Variants in PARD3B observed in about 807,000 individuals in gnomAD.
The protein encoded by PARD3B is partitioning defective 3 homolog B.
PARD3B carries 103 observed loss-of-function variants against 130.2 expected under a neutral mutation model. The ratio of observed to expected loss-of-function variants is 0.79; its 90% CI spans 0.67 to 0.93. The LOEUF (loss-of-function observed/expected upper bound fraction) is 0.93. Ranked by LOEUF, PARD3B falls within the 40% of genes least tolerant of loss-of-function variation. The pLI, the probability that PARD3B is intolerant of heterozygous loss-of-function variation, is 0.00. For synonymous variants in PARD3B, 583 were observed against 553.2 expected (o/e 1.05, Z -0.76); for missense variants, 1,609 against 1,499.2 (o/e 1.07, Z -1.21).
At chr2:205,219,568 T>G (rs917997668) in intron 15 of PARD3B, among the ~76,000 whole-genome samples, 2 of 147,464 alleles carry the variant, frequency 1.4e-5, no homozygotes, top group Non-Finnish European at 3.0e-5. Context: ...AGAAGAGAAA[T>G]TTTTTGATAG....
In PARD3B at chr2:204,832,204, C is replaced by T. The variant is rs139281909; in HGVS notation, c.223-132948C>T. On this transcript the variant is annotated intron_variant, in intron 2 of 22. Coordinates refer to ENST00000406610, the MANE Select transcript of PARD3B (RefSeq NM_001302769.2). The stretch of plus-strand genomic sequence containing the variant: ...TCACGCCACTGCACTCCAGTCTGGG[C>T]GACTGAGCGAGACTCTGTCTCAAAA... 7.0e-3 allele frequency among the ~76,000 whole-genome samples: 1,061 copies of T among 151,714 alleles called. 11 individuals are homozygous for T. Among genetic ancestry groups the T allele is most frequent in the African/African-American group, 0.024 (994 of 41,368 alleles).
chr2:204,649,554 C>T (rs1390068531), intron 1 of PARD3B, among the ~76,000 whole-genome samples: 1 of 151,828 alleles, frequency 6.6e-6, no homozygotes, highest in East Asian at 1.9e-4. Context: ...AACACCACCA[C>T]CACCACCCAG....
chr2:204,933,534 G>A (rs1444632455), intron 2 of PARD3B, among the ~76,000 whole-genome samples: 1 of 152,142 alleles, frequency 6.6e-6, no homozygotes. Context: ...GATATTTAGA[G>A]GATTTAGATT....
At position 205,301,861 on chromosome 2, in the gene PARD3B, A is replaced by G. The variant is rs758056068; in HGVS notation, c.2630+160A>G. Reference sequence around the variant, plus strand: ...GCTCGTTCTCTTTCTGCAGAGGCAGAGGAGCTTTTTGGGGAAAGTTACAGT... The same window carrying G: ...GCTCGTTCTCTTTCTGCAGAGGCAGGGGAGCTTTTTGGGGAAAGTTACAGT... On this transcript the variant is annotated intron_variant, in intron 18 of 22. Transcript: ENST00000406610. The surrounding 1 kb of genome is among the most constrained non-coding windows in gnomAD (Gnocchi z 5.2). 2.5e-6 allele frequency: 3 copies of G among 1,189,494 alleles called. No individual in the cohort carries two copies. The Admixed American group carries it at 5.2e-5, about 21-fold the overall frequency. 73.7% of individuals were successfully genotyped at this position (1,189,494 alleles called of 1,614,324 possible).
At chr2:204,702,857 T>G (rs1027831721) in intron 2 of PARD3B, among the ~76,000 whole-genome samples, 1 of 152,226 alleles carries the variant, frequency 6.6e-6, no homozygotes, top group South Asian at 2.1e-4. Context: ...ATTACAGGCG[T>G]GAGCCACCAT....
intron 18 of PARD3B, among the ~76,000 whole-genome samples, chr2:205,365,549 C>CCTTTT (rs71410812): frequency 2.6e-5 from 3 of 113,760 alleles, no homozygotes; most frequent in African/African-American, 1.1e-4. Context: ...CCCAACCTTC[C>CCTTTT]TTTTTTTTTT....
chr2:205,147,933 C>T (rs1029770951), intron 10 of PARD3B, among the ~76,000 whole-genome samples: 3 of 152,042 alleles, frequency 2.0e-5, no homozygotes, highest in African/African-American at 4.8e-5. Flanking sequence ...AATTAGAGTA[C>T]AATTCAGATG....
At chr2:205,030,886 G>T (rs1317961830) in intron 3 of PARD3B, among the ~76,000 whole-genome samples, 1 of 152,110 alleles carries the variant, frequency 6.6e-6, no homozygotes. Flanking sequence ...CCCTTGCTAA[G>T]ATATGTTGCT....
At chr2:204,666,358 T>C (rs1574649162) in intron 1 of PARD3B, among the ~76,000 whole-genome samples, 1 of 152,186 alleles carries the variant, frequency 6.6e-6, no homozygotes, top group South Asian at 2.1e-4. Flanking sequence ...CTCTCTAATA[T>C]TAAACTAGAG....
At chr2:205,271,828 C>T (rs2040737555) in intron 16 of PARD3B, among the ~76,000 whole-genome samples, 1 of 152,282 alleles carries the variant, frequency 6.6e-6, no homozygotes, top group Middle Eastern at 3.4e-3. Flanking sequence ...TTAGCTACAT[C>T]TTAACAGCAT....
chr2:204,717,638 A>G (rs1049023152), intron 2 of PARD3B, among the ~76,000 whole-genome samples: 1 of 152,212 alleles, frequency 6.6e-6, no homozygotes, highest in Admixed American at 6.5e-5. Context: ...ATGAGCAGTG[A>G]GAACTGCAGT....
intron 1 of PARD3B, among the ~76,000 whole-genome samples, chr2:204,628,481 T>G (rs763854233): frequency 1.3e-5 from 2 of 152,118 alleles, no homozygotes; most frequent in Non-Finnish European, 2.9e-5. Flanking sequence ...TTTCAATGAT[T>G]TTGAAATTTT....
rs80196953 is a variant in PARD3B, at chr2:204,764,299, A to C, written c.222+78017A>C. The stretch of plus-strand genomic sequence containing the variant: ...TTGAGTTACTCCATAGTTACTCCAT[A>C]CTGCTTTGTTTCCTTTAAGGTACAT... On this transcript the variant is annotated intron_variant, in intron 2 of 22. Coordinates refer to ENST00000406610, the MANE Select transcript of PARD3B (RefSeq NM_001302769.2). Among the ~76,000 whole-genome samples, 651 of 152,260 alleles carry C rather than the reference A, an allele frequency of 4.3e-3. 4 individuals are homozygous for C. The highest frequency in any genetic ancestry group is 0.015 in the African/African-American group (623 of 41,556).
chr2:205,082,114 A>G (rs1474476170), intron 4 of PARD3B, among the ~76,000 whole-genome samples: 2 of 152,172 alleles, frequency 1.3e-5, no homozygotes, highest in Non-Finnish European at 2.9e-5. Flanking sequence ...TCATTCAAGA[A>G]ATATGTCAAT....
intron 2 of PARD3B, among the ~76,000 whole-genome samples, chr2:204,821,344 C>T (rs987275550): frequency 3.3e-5 from 5 of 152,032 alleles, no homozygotes; most frequent in Admixed American, 6.6e-5. Flanking sequence ...ATGTGGCAAA[C>T]ATACACCATG....
At position 204,803,159 on chromosome 2, in the gene PARD3B, A is replaced by ATAT. The variant is rs1310418905; in HGVS notation, c.222+116877_222+116878insTAT. Among the ~76,000 whole-genome samples the ATAT allele has an allele frequency of 2.4e-3, 289 of 121,100 alleles. 1 individual carries two copies. Among genetic ancestry groups the ATAT allele is most frequent in the African/African-American group, 5.7e-3 (185 of 32,576 alleles). The allele number at this position is 121,100 out of a possible 152,430, so 79.4% of individuals were successfully genotyped here. Reference sequence around the variant, plus strand: ...AGTGCTGAAGGAAAAAAAAAAAAAAAAAAAATATATATATATATATATAAT... The same window carrying ATAT: ...AGTGCTGAAGGAAAAAAAAAAAAAAATATAAAAATATATATATATATATATAAT... On this transcript the variant is annotated intron_variant, in intron 2 of 22. Transcript: ENST00000406610.
intron 2 of PARD3B, among the ~76,000 whole-genome samples, chr2:204,756,794 G>T (rs530695372): frequency 4.5e-4 from 69 of 152,232 alleles, no homozygotes; most frequent in Admixed American, 2.6e-3. Flanking sequence ...GATTTAGGGG[G>T]TTCCTGTGCA....
intron 2 of PARD3B, among the ~76,000 whole-genome samples, chr2:204,823,604 A>C (rs2043452368): frequency 6.6e-6 from 1 of 152,008 alleles, no homozygotes; most frequent in African/African-American, 2.4e-5. Flanking sequence ...GCTTATTGGC[A>C]CTGATACTTA....
chr2:205,350,309 A>G (rs369289401), intron 18 of PARD3B, among the ~76,000 whole-genome samples: 1 of 152,198 alleles, frequency 6.6e-6, no homozygotes, highest in African/African-American at 2.4e-5. Context: ...ATAAGAAACC[A>G]TCTCCTTGGT....
Sources: gnomAD v4.1 joint callset for allele counts (sites outside exome capture counted in the v4.1 genomes callset) on GRCh38, gnomAD v4.1.1 for gene constraint, Gnocchi (gnomAD v3.1) non-coding constraint, MANE v1.5 for transcripts, NCBI Gene and HGNC (gene_info 2026-07-23, HGNC 2026-07-21) for gene names.